LIG1: variants seen among roughly 807,000 people sequenced by gnomAD.
LIG1 encodes ligase I, DNA, ATP-dependent.
A neutral mutation model predicts 115.7 loss-of-function variants in LIG1; 70 were observed. The ratio of observed to expected loss-of-function variants is 0.60; its 90% confidence interval spans 0.50 to 0.74. LIG1 has a LOEUF of 0.74. LIG1 is among the 30% of genes least tolerant of loss of function. The pLI is 0.00. For missense variants in LIG1, 1,115 were observed against 1,225.6 expected (o/e 0.91, Z 1.35); for synonymous variants, 487 against 495.3 (o/e 0.98, Z 0.22).
At chr19:48,124,878 G>C (rs1466040242) in intron 21 of LIG1, among the ~76,000 whole-genome samples, 2 of 152,072 alleles carry the variant, frequency 1.3e-5, no homozygotes, top group Non-Finnish European at 2.9e-5. Context: ...AGCTGGGTGT[G>C]GTGGTGGGTG....
At chr19:48,120,181 C>T in intron 24 of LIG1, 1 of 985,380 alleles carries the variant, frequency 1.0e-6, no homozygotes, top group Non-Finnish European at 1.2e-6. Context: ...CAGAACAAAG[C>T]CGGCAACAAC....
At chr19:48,145,832 G>A (rs1392434373) in intron 9 of LIG1, 1 of 152,244 alleles carries the variant, frequency 6.6e-6, no homozygotes, top group Non-Finnish European at 1.5e-5. Flanking sequence ...TGGGCTAAGT[G>A]TTTCACATCC....
At chr19:48,123,076 G>A in intron 22 of LIG1, 60 bp from the exon 23 acceptor site, 1 of 1,610,904 alleles carries the variant, frequency 6.2e-7, no homozygotes, top group South Asian at 1.1e-5. Context: ...GCCGGAGCAG[G>A]CAGGATTCTG....
intron 24 of LIG1, among the ~76,000 whole-genome samples, chr19:48,119,491 T>A (rs1244982811): frequency 6.8e-6 from 1 of 146,804 alleles, no homozygotes; most frequent in Non-Finnish European, 1.5e-5. Context: ...CTCACCCACA[T>A]CCTCACTGCC....
rs20579 is a variant in LIG1 at position 48,165,573 on chromosome 19, G to A, written c.-7C>T. ...ACATGATACTTCGCTGCATGTTGGC[G>A]TCAGAATTCTCCCTTCCTGTCCAGC... On this transcript the variant is annotated 5_prime_UTR_variant, in exon 2 of 28. It adds an upstream start codon to the 5' untranslated region. Coordinates refer to ENST00000263274, the MANE Select transcript of LIG1 (RefSeq NM_000234.3). 0.13 allele frequency: 210,103 copies of A among 1,612,808 alleles called. 15,012 individuals carry two copies. The highest frequency in any genetic ancestry group is 0.29 in the African/African-American group (21,443 of 74,854).
At chr19:48,135,116 A>G (rs1418045545) in intron 16 of LIG1, among the ~76,000 whole-genome samples, 1 of 152,102 alleles carries the variant, frequency 6.6e-6, no homozygotes, top group Non-Finnish European at 1.5e-5. Context: ...CAGAAACCTC[A>G]TGTTGCCGGC....
intron 23 of LIG1, among the ~76,000 whole-genome samples, chr19:48,121,594 G>A (rs1289419099): frequency 6.6e-6 from 1 of 152,172 alleles, no homozygotes; most frequent in Non-Finnish European, 1.5e-5. Flanking sequence ...CTGAGGTCGG[G>A]AGTTCGAGAC....
In LIG1 at chr19:48,151,356, C is replaced by G; in HGVS notation, c.467-17G>C. Reference sequence around the variant, plus strand: ...TCTCCTCTTCTGACGATAGACAGAACGGTCAGATGGCAAAAAAATCCCATT... The same window carrying G: ...TCTCCTCTTCTGACGATAGACAGAAGGGTCAGATGGCAAAAAAATCCCATT... On this transcript the variant is annotated splice_polypyrimidine_tract_variant and intron_variant, in intron 6 of 27. Transcript: ENST00000263274. The G allele has an allele frequency of 2.0e-6, 3 of 1,498,298 alleles. No individual in the cohort carries two copies. The highest frequency in any genetic ancestry group is 2.8e-6 in the Non-Finnish European group (3 of 1,074,336). The allele number at this position is 1,498,298 out of a possible 1,614,324, so 92.8% of individuals were successfully genotyped here.
intron 5 of LIG1, among the ~76,000 whole-genome samples, chr19:48,154,747 C>G (rs374815637): frequency 2.6e-5 from 4 of 152,216 alleles, no homozygotes; most frequent in African/African-American, 9.6e-5. Flanking sequence ...GCCACCTGGT[C>G]CCCGGTCTCC....
At position 48,140,157 on chromosome 19, in the gene LIG1, CG is replaced by C. The variant is rs776431829; in HGVS notation, c.915-15del. On this transcript the variant is annotated splice_polypyrimidine_tract_variant and intron_variant, in intron 11 of 27. Transcript: ENST00000263274. The stretch of plus-strand genomic sequence containing the variant: ...ACCATCCGGAGCCTGGAGGAGGGGA[CG>C]GGGGTATGAACACGTGGTTCCTCAA... 69 of 1,409,860 alleles carry C rather than the reference CG, an allele frequency of 4.9e-5. No homozygotes were observed. The Middle Eastern group carries it at 7.0e-4, about 14-fold the overall frequency. 87.3% of individuals were successfully genotyped at this position (1,409,860 alleles called of 1,614,324 possible). A position where few individuals can be genotyped will look rare whatever the true frequency, so the allele number is the denominator to read the frequency against.
chr19:48,151,147 C>T lies in LIG1; in HGVS notation c.574+85G>A, dbSNP rs2035448796. 1.7e-5 allele frequency: 13 copies of T among 775,266 alleles called. No individual in the cohort carries two copies. The South Asian group carries it at 2.0e-4, about 12-fold the overall frequency. The allele number at this position is 775,266 out of a possible 1,614,324, so 48.0% of individuals were successfully genotyped here. A position where few individuals can be genotyped will look rare whatever the true frequency, so the allele number is the denominator to read the frequency against. On this transcript the variant is annotated intron_variant, in intron 7 of 27. Coordinates refer to ENST00000263274, the MANE Select transcript of LIG1 (RefSeq NM_000234.3). The stretch of plus-strand genomic sequence containing the variant: ...AAGCAATAAGTTTGAGAATCTATGC[C>T]TTGTTTAAATTAATCATCCTCCAAA...
In LIG1 at chr19:48,132,851, G is replaced by A. The variant is rs993173983; in HGVS notation, c.1725+131C>T. ...TCACTGCATGGAGGTGGATGCTGAA[G>A]CCCAGAGAGATGAGCGAGGGCTCGG... On this transcript the variant is annotated intron_variant, in intron 18 of 27. Coordinates refer to ENST00000263274, the MANE Select transcript of LIG1 (RefSeq NM_000234.3). 5.7e-5 allele frequency: 38 copies of A among 664,526 alleles called. 1 individual carries two copies. The highest frequency in any genetic ancestry group is 9.2e-5 in the Non-Finnish European group (32 of 348,744). 41.2% of individuals were successfully genotyped at this position (664,526 alleles called of 1,614,324 possible).
At chr19:48,128,117 T>TTGAGAG in intron 19 of LIG1, 97 bp from the exon 20 acceptor site, 1 of 942,458 alleles carries the variant, frequency 1.1e-6, no homozygotes, top group Non-Finnish European at 1.7e-6. Flanking sequence ...CTTCTGCAGC[T>TTGAGAG]CTCAAGATGC....
chr19:48,151,481 G>A, intron 6 of LIG1, 142 bp from the exon 7 acceptor site: 1 of 631,524 alleles, frequency 1.6e-6, no homozygotes, highest in Non-Finnish European at 2.9e-6. Context: ...CCAGGCTGGA[G>A]TGCAATGGTG....
intron 2 of LIG1, among the ~76,000 whole-genome samples, chr19:48,164,493 G>C (rs1334084580): frequency 6.7e-6 from 1 of 150,226 alleles, no homozygotes; most frequent in Non-Finnish European, 1.5e-5. Flanking sequence ...CCTGTGACCA[G>C]GGGTGGACAC....
Position 48,133,102 on chromosome 19 carries a change from G to A in LIG1, c.1610-5C>T. On this transcript the variant is annotated splice_region_variant and splice_polypyrimidine_tract_variant and intron_variant, in intron 17 of 27. Coordinates refer to ENST00000263274, the MANE Select transcript of LIG1 (RefSeq NM_000234.3). ...ACATTGGTTTCAGGGGAATCCCTGG[G>A]AAAGGAGGAGAGTGAGTTAGAGGAG... The A allele has an allele frequency of 6.3e-7, 1 of 1,581,470 alleles. No individual in the cohort carries two copies. Among genetic ancestry groups the A allele is most frequent in the East Asian group, 2.2e-5 (1 of 44,690 alleles).
intron 8 of LIG1, 104 bp from the exon 9 acceptor site, chr19:48,149,945 G>T: frequency 6.5e-7 from 1 of 1,547,712 alleles, no homozygotes; most frequent in Non-Finnish European, 8.8e-7. Flanking sequence ...GGAGATGGGA[G>T]ACAGGCTGGT....
intron 1 of LIG1, among the ~76,000 whole-genome samples, chr19:48,167,363 T>G (rs888883278): frequency 1.3e-5 from 2 of 151,972 alleles, no homozygotes; most frequent in Admixed American, 1.3e-4. Flanking sequence ...AATGGTTTTC[T>G]TTGACTTTCC....
At chr19:48,125,674 C>A (rs1300938717) in intron 21 of LIG1, among the ~76,000 whole-genome samples, 1 of 152,180 alleles carries the variant, frequency 6.6e-6, no homozygotes, top group South Asian at 2.1e-4. Flanking sequence ...ACCACAAGAT[C>A]GTGGTTCATC....
Sources: gnomAD v4.1 joint callset for allele counts (sites outside exome capture counted in the v4.1 genomes callset) on GRCh38, gnomAD v4.1.1 for gene constraint, MANE v1.5 for transcripts, NCBI Gene and HGNC (gene_info 2026-07-23, HGNC 2026-07-21) for gene names.